The following PDGFD variants were observed in gnomAD, a reference collection of about 807,000 sequenced individuals.
PDGFD encodes platelet derived growth factor D.
Under a neutral mutation model 44.7 loss-of-function variants are expected in PDGFD, and 30 were observed. The observed-to-expected ratio is 0.67, with a 90% CI of 0.50 to 0.91. The LOEUF (loss-of-function observed/expected upper bound fraction) is 0.91. Ranked by LOEUF, PDGFD falls within the 40% of genes least tolerant of loss-of-function variation. The pLI, the probability that PDGFD is intolerant of heterozygous loss-of-function variation, is 0.00. For missense variants in PDGFD, 445 were observed against 457.8 expected (o/e 0.97, Z 0.25); for synonymous variants, 173 against 168.4 (o/e 1.03, Z -0.21).
chr11:104,112,908 CA>C (rs950988290), intron 1 of PDGFD, among the ~76,000 whole-genome samples: 3 of 152,032 alleles, frequency 2.0e-5, no homozygotes, highest in African/African-American at 7.2e-5. Context: ...GGGAGAAGAT[CA>C]GGGAAAATAA....
At chr11:104,079,771 G>A (rs1330266116) in intron 1 of PDGFD, among the ~76,000 whole-genome samples, 1 of 145,750 alleles carries the variant, frequency 6.9e-6, no homozygotes, top group Non-Finnish European at 1.5e-5. Context: ...ATACAGAATA[G>A]GTGAAAAATT....
chr11:104,052,260 G>C (rs1374092740), intron 1 of PDGFD, among the ~76,000 whole-genome samples: 1 of 152,112 alleles, frequency 6.6e-6, no homozygotes, highest in African/African-American at 2.4e-5. Flanking sequence ...AGTATGACAA[G>C]GACATTCATG....
At chr11:103,921,137 T>C (rs1858209229) in intron 6 of PDGFD, among the ~76,000 whole-genome samples, 2 of 152,116 alleles carry the variant, frequency 1.3e-5, no homozygotes, top group Admixed American at 6.5e-5. Flanking sequence ...TGCCCTCTCT[T>C]GGTAGGAAAA....
At chr11:103,949,815 T>C (rs1858722027) in intron 3 of PDGFD, among the ~76,000 whole-genome samples, 1 of 152,056 alleles carries the variant, frequency 6.6e-6, no homozygotes, top group Non-Finnish European at 1.5e-5. Flanking sequence ...GGGGAGAAAG[T>C]GGGCTTGAAA....
intron 5 of PDGFD, among the ~76,000 whole-genome samples, chr11:103,935,089 C>T (rs759297054): frequency 1.3e-5 from 2 of 152,174 alleles, no homozygotes; most frequent in Non-Finnish European, 2.9e-5. Flanking sequence ...GGAAAATGCA[C>T]ATTTGTTCAT....
intron 1 of PDGFD, among the ~76,000 whole-genome samples, chr11:104,044,621 C>A (rs1322294776): frequency 1.3e-5 from 2 of 152,182 alleles, no homozygotes; most frequent in Non-Finnish European, 2.9e-5. Context: ...AAGCTATCTA[C>A]AAATAAACCA....
chr11:104,078,053 T>A (rs1827323), intron 1 of PDGFD, among the ~76,000 whole-genome samples: 34,272 of 125,700 alleles, frequency 0.27, 4,267 homozygotes, highest in Middle Eastern at 0.33. Flanking sequence ...CAGCGGCCTT[T>A]GATGTAGGTT....
intron 1 of PDGFD, among the ~76,000 whole-genome samples, chr11:104,061,727 C>A (rs1249087126): frequency 6.6e-6 from 1 of 152,168 alleles, no homozygotes. Flanking sequence ...CCTGCCTCAG[C>A]CTCCTGAGTG....
At chr11:104,151,930 TA>T (rs113744513) in intron 1 of PDGFD, among the ~76,000 whole-genome samples, 64 of 146,688 alleles carry the variant, frequency 4.4e-4, no homozygotes, top group East Asian at 1.8e-3. Flanking sequence ...TTGAGAATCT[TA>T]AAAAAAAAAA....
At chr11:104,101,770 C>T (rs1194539763) in intron 1 of PDGFD, among the ~76,000 whole-genome samples, 3 of 151,846 alleles carry the variant, frequency 2.0e-5, no homozygotes, top group Non-Finnish European at 2.9e-5. Context: ...AGAAATAATG[C>T]CGCATATCTA....
intron 1 of PDGFD, among the ~76,000 whole-genome samples, chr11:104,109,625 A>C (rs1227211867): frequency 6.6e-6 from 1 of 152,196 alleles, no homozygotes; most frequent in African/African-American, 2.4e-5. Context: ...TAATAATGAA[A>C]GACTGGAATC....
At chr11:103,959,696 A>T (rs1359166538) in intron 3 of PDGFD, among the ~76,000 whole-genome samples, 1 of 152,120 alleles carries the variant, frequency 6.6e-6, no homozygotes, top group Non-Finnish European at 1.5e-5. Context: ...ATTCCTAAGA[A>T]TTTATGACAG....
At chr11:104,028,903 C>T (rs1489533541) in intron 1 of PDGFD, among the ~76,000 whole-genome samples, 2 of 152,004 alleles carry the variant, frequency 1.3e-5, no homozygotes, top group Admixed American at 6.6e-5. Flanking sequence ...TCTTCTTTCT[C>T]TTCAGCATCA....
At chr11:103,974,051 G>A (rs7103465) in intron 3 of PDGFD, among the ~76,000 whole-genome samples, 5,037 of 152,180 alleles carry the variant, frequency 0.033, 211 homozygotes, top group African/African-American at 0.096. Flanking sequence ...AAAGGAGAAG[G>A]AGATTCTTGT....
intron 1 of PDGFD, among the ~76,000 whole-genome samples, chr11:104,072,941 T>G (rs896062857): frequency 6.6e-6 from 1 of 152,068 alleles, no homozygotes; most frequent in Admixed American, 6.6e-5. Flanking sequence ...GGATAATACA[T>G]GAAAATCTAA....
chr11:103,965,393 T>C (rs1382407201), intron 3 of PDGFD, among the ~76,000 whole-genome samples: 1 of 152,156 alleles, frequency 6.6e-6, no homozygotes, highest in Non-Finnish European at 1.5e-5. Flanking sequence ...GCAACAATTG[T>C]TTATCATCAT....
At chr11:104,119,097 A>T (rs374167051) in intron 1 of PDGFD, among the ~76,000 whole-genome samples, 184 of 3,972 alleles carry the variant, frequency 0.046, 35 homozygotes, top group Non-Finnish European at 0.059. Context: ...TATTGATATA[A>T]TATATAATAT....
At chr11:104,131,565 T>C (rs1338762793) in intron 1 of PDGFD, among the ~76,000 whole-genome samples, 1 of 152,092 alleles carries the variant, frequency 6.6e-6, no homozygotes, top group Non-Finnish European at 1.5e-5. Context: ...GTCTACACCA[T>C]AATAAGTATT....
At chr11:104,087,958 C>T (rs1456489526) in intron 1 of PDGFD, among the ~76,000 whole-genome samples, 2 of 152,160 alleles carry the variant, frequency 1.3e-5, no homozygotes, top group South Asian at 2.1e-4. Flanking sequence ...TAAGCCATGA[C>T]CTTTCACACC....
Sources: gnomAD v4.1 joint callset for allele counts (sites outside exome capture counted in the v4.1 genomes callset) on GRCh38, gnomAD v4.1.1 for gene constraint, MANE v1.5 for transcripts, NCBI Gene and HGNC (gene_info 2026-07-23, HGNC 2026-07-21) for gene names.